STK39: variants seen among roughly 807,000 people sequenced by gnomAD.
STK39 encodes serine/threonine kinase 39.
Under a neutral mutation model 77.8 loss-of-function variants are expected in STK39, and 20 were observed. The ratio of observed to expected loss-of-function variants is 0.26; its 90% CI spans 0.18 to 0.37. STK39 has a LOEUF of 0.37. Among genes scored for constraint, STK39 ranks in the 10% least tolerant of loss-of-function variants. The pLI is 1.00. For synonymous variants in STK39, 246 were observed against 234.1 expected (o/e 1.05, Z -0.47); for missense variants, 479 against 656.5 (o/e 0.73, Z 2.95).
chr2:168,012,555 TA>T, intron 16 of STK39, 78 bp downstream of exon 16: 1 of 1,098,892 alleles, frequency 9.1e-7, no homozygotes, highest in Non-Finnish European at 1.4e-6. Flanking sequence ...AATTATTCCT[TA>T]ATGAACACTT....
intron 14 of STK39, among the ~76,000 whole-genome samples, chr2:168,027,440 A>G (rs1288387288): frequency 6.6e-6 from 1 of 152,226 alleles, no homozygotes; most frequent in East Asian, 1.9e-4. Context: ...AAATGTAGTT[A>G]GTAGCATCTG....
intron 16 of STK39, among the ~76,000 whole-genome samples, chr2:167,966,135 C>G (rs1290379069): frequency 4.6e-5 from 7 of 152,196 alleles, no homozygotes; most frequent in Non-Finnish European, 1.0e-4. Context: ...CTTTTGCCCA[C>G]ATAAGCAAGC....
At chr2:168,241,629 CCT>C (rs781718317) in intron 1 of STK39, among the ~76,000 whole-genome samples, 38 of 152,202 alleles carry the variant, frequency 2.5e-4, no homozygotes, top group Non-Finnish European at 2.4e-4. Flanking sequence ...TAGGGAACAA[CCT>C]CTCTTTCCCA....
chr2:168,016,497 C>T (rs941993104), intron 15 of STK39, among the ~76,000 whole-genome samples: 1 of 151,004 alleles, frequency 6.6e-6, no homozygotes, highest in Non-Finnish European at 1.5e-5. Flanking sequence ...CTTCTGTGGA[C>T]ATCTGAGTTT....
intron 14 of STK39, among the ~76,000 whole-genome samples, chr2:168,051,320 A>G (rs1685389294): frequency 6.6e-6 from 1 of 152,212 alleles, no homozygotes; most frequent in Admixed American, 6.5e-5. Flanking sequence ...ATAACTTAAA[A>G]TACAAAGGCA....
At chr2:168,183,193 C>T (rs1046384966) in intron 1 of STK39, among the ~76,000 whole-genome samples, 3 of 151,966 alleles carry the variant, frequency 2.0e-5, no homozygotes, top group Non-Finnish European at 4.4e-5. Flanking sequence ...CTTTCTTCCG[C>T]CCTGTGGCCT....
chr2:168,001,193 C>T (rs566036070), intron 16 of STK39, among the ~76,000 whole-genome samples: 1 of 151,454 alleles, frequency 6.6e-6, no homozygotes, highest in Admixed American at 6.6e-5. Flanking sequence ...AAACATTAGC[C>T]CAAGAACAAA....
intron 14 of STK39, among the ~76,000 whole-genome samples, chr2:168,020,610 T>G (rs950614131): frequency 4.6e-5 from 7 of 150,898 alleles, no homozygotes; most frequent in Admixed American, 4.6e-4. Flanking sequence ...ACACATAATA[T>G]ACACATATAT....
intron 1 of STK39, among the ~76,000 whole-genome samples, chr2:168,222,301 A>G (rs558060125): frequency 6.6e-6 from 1 of 152,174 alleles, no homozygotes; most frequent in African/African-American, 2.4e-5. Flanking sequence ...TAAACCTCCC[A>G]ATGTCCCCAT....
intron 1 of STK39, among the ~76,000 whole-genome samples, chr2:168,211,656 T>C (rs577697476): frequency 2.6e-5 from 4 of 152,352 alleles, no homozygotes; most frequent in African/African-American, 9.6e-5. Context: ...GTAGCAAACA[T>C]ACTGTCTACT....
intron 5 of STK39, among the ~76,000 whole-genome samples, chr2:168,156,027 ATC>A (rs1352572154): frequency 6.6e-6 from 1 of 152,210 alleles, no homozygotes; most frequent in Non-Finnish European, 1.5e-5. Context: ...TCTGGGAAGT[ATC>A]CAGTCTGAAG....
intron 5 of STK39, among the ~76,000 whole-genome samples, chr2:168,156,795 C>T (rs1688440135): frequency 6.6e-6 from 1 of 152,192 alleles, no homozygotes. Flanking sequence ...GGCCAAGGTG[C>T]TCATAAATGT....
At chr2:168,057,190 T>C (rs1345757511) in intron 14 of STK39, among the ~76,000 whole-genome samples, 1 of 152,174 alleles carries the variant, frequency 6.6e-6, no homozygotes, top group Non-Finnish European at 1.5e-5. Flanking sequence ...ACAAATGTTT[T>C]ATTTATTTAC....
In STK39 at chr2:168,190,808, A is replaced by G. The variant is rs79378236; in HGVS notation, c.209-8718T>C. 8.2e-4 allele frequency among the ~76,000 whole-genome samples: 125 copies of G among 152,318 alleles called. 3 individuals are homozygous for G. In the East Asian group the frequency reaches 0.023, roughly 28 times the overall value. ...TGAAGTCCTTGCCCCTTGCAAACTC[A>G]AAGTCCAACGATCTGGCAATATTGA... On this transcript the variant is annotated intron_variant, in intron 1 of 17. Coordinates refer to ENST00000355999, the MANE Select transcript of STK39 (RefSeq NM_013233.3).
At chr2:168,002,180 T>C (rs1254413153) in intron 16 of STK39, among the ~76,000 whole-genome samples, 3 of 152,230 alleles carry the variant, frequency 2.0e-5, no homozygotes, top group East Asian at 1.9e-4. Context: ...TCTGTACTAA[T>C]GGTTTTAAAG....
chr2:168,098,941 A>G (rs1686746615), intron 10 of STK39, among the ~76,000 whole-genome samples: 1 of 152,230 alleles, frequency 6.6e-6, no homozygotes, highest in East Asian at 1.9e-4. Context: ...GCCATAGAGC[A>G]TTGCCTGGTC....
At chr2:168,127,755 ATCT>A (rs1190706088) in intron 10 of STK39, among the ~76,000 whole-genome samples, 1 of 152,234 alleles carries the variant, frequency 6.6e-6, no homozygotes, top group Non-Finnish European at 1.5e-5. Flanking sequence ...AGAAAGTTAA[ATCT>A]TGTTAGAAAT....
chr2:168,081,270 C>T (rs111437182), intron 10 of STK39, among the ~76,000 whole-genome samples: 1,911 of 152,298 alleles, frequency 0.013, 47 homozygotes, highest in African/African-American at 0.044. Context: ...GCCACAGGGA[C>T]AGAGGTGCAC....
At chr2:168,245,706 G>C (rs552314977) in intron 1 of STK39, among the ~76,000 whole-genome samples, 13 of 152,210 alleles carry the variant, frequency 8.5e-5, no homozygotes, top group Middle Eastern at 3.2e-3. Context: ...GGAGGAGGCA[G>C]GCAGGTTGAG....
Sources: gnomAD v4.1 joint callset for allele counts (sites outside exome capture counted in the v4.1 genomes callset) on GRCh38, gnomAD v4.1.1 for gene constraint, MANE v1.5 for transcripts, NCBI Gene and HGNC (gene_info 2026-07-23, HGNC 2026-07-21) for gene names.